EXOC2: variants seen among roughly 807,000 people sequenced by gnomAD.
The protein encoded by EXOC2 is exocyst complex component 2.
In EXOC2, 70 loss-of-function variants were observed where a neutral mutation model predicts 131.8. The observed-to-expected ratio is 0.53, with a 90% confidence interval of 0.44 to 0.65. EXOC2 has a LOEUF of 0.65. Among genes scored for constraint, EXOC2 ranks in the 30% least tolerant of loss-of-function variants. The probability of loss-of-function intolerance (pLI) is 0.00; values close to 1 mark genes in which losing one functional copy is unlikely to be tolerated. For missense variants in EXOC2, 923 were observed against 1,108.6 expected, an observed-to-expected ratio of 0.83 and a Z score of 2.38; for synonymous variants, 411 against 398.4, an observed-to-expected ratio of 1.03 and a Z score of -0.38.
chr6:681,235 T>G (rs896652636), intron 1 of EXOC2, among the ~76,000 whole-genome samples: 1 of 152,220 alleles, frequency 6.6e-6, no homozygotes, highest in Non-Finnish European at 1.5e-5. Context: ...CAATTCATGC[T>G]AAGGAAAACA....
At chr6:672,294 ATC>A (rs1254269532) in intron 1 of EXOC2, among the ~76,000 whole-genome samples, 1 of 151,704 alleles carries the variant, frequency 6.6e-6, no homozygotes, top group Non-Finnish European at 1.5e-5. Context: ...TAAAGTTTCC[ATC>A]TCTCTGTGCA....
At chr6:645,706 A>G (rs1300354391) in intron 1 of EXOC2, among the ~76,000 whole-genome samples, 1 of 152,214 alleles carries the variant, frequency 6.6e-6, no homozygotes, top group Non-Finnish European at 1.5e-5. Context: ...GTGTGTGTGC[A>G]AGTGTGTATT....
chr6:521,093 T>TCAC (rs1765433359), intron 23 of EXOC2, among the ~76,000 whole-genome samples: 1 of 80,718 alleles, frequency 1.2e-5, no homozygotes, highest in African/African-American at 6.1e-5. Flanking sequence ...GCGCCGACAC[T>TCAC]CGCCGTCCAC....
Position 596,068 on chromosome 6 carries a change from C to T in EXOC2, c.1073+1953G>A, listed in dbSNP as rs895120255. Among the ~76,000 whole-genome samples the T allele has an allele frequency of 1.3e-4, 20 of 152,030 alleles. 1 individual carries two copies. Among genetic ancestry groups the T allele is most frequent in the African/African-American group, 3.1e-4 (13 of 41,296 alleles). Reference sequence around the variant, plus strand: ...GTGTTTTCACCTGTACAATGGGCACCGCACAAGCGTCCTTTCATGGTGGTG... The same window carrying T: ...GTGTTTTCACCTGTACAATGGGCACTGCACAAGCGTCCTTTCATGGTGGTG... On this transcript the variant is annotated intron_variant, in intron 10 of 27. Transcript: ENST00000230449.
intron 22 of EXOC2, among the ~76,000 whole-genome samples, chr6:536,289 T>A (rs1464004247): frequency 6.6e-6 from 1 of 152,190 alleles, no homozygotes; most frequent in East Asian, 1.9e-4. Flanking sequence ...AGTAAATTTA[T>A]GGAGGCAGCA....
At chr6:621,391 G>A (rs1379735205) in intron 4 of EXOC2, among the ~76,000 whole-genome samples, 1 of 152,156 alleles carries the variant, frequency 6.6e-6, no homozygotes, top group Non-Finnish European at 1.5e-5. Flanking sequence ...GTGGTCCCTA[G>A]AAGAACAGGG....
chr6:529,491 A>G (rs1351177513), intron 23 of EXOC2, among the ~76,000 whole-genome samples: 1 of 152,192 alleles, frequency 6.6e-6, no homozygotes, highest in Non-Finnish European at 1.5e-5. Flanking sequence ...GAGAAGAATC[A>G]CTTTGTTGAG....
intron 6 of EXOC2, among the ~76,000 whole-genome samples, chr6:612,787 A>C (rs918362950): frequency 2.7e-5 from 4 of 150,646 alleles, no homozygotes; most frequent in Non-Finnish European, 5.9e-5. Flanking sequence ...AGGGAGGAAC[A>C]TGCGTAATTT....
At chr6:607,372 T>C (rs958929347) in intron 7 of EXOC2, among the ~76,000 whole-genome samples, 2 of 152,188 alleles carry the variant, frequency 1.3e-5, no homozygotes, top group Admixed American at 6.5e-5. Flanking sequence ...TTTTCATCAA[T>C]AAAGCGAAGA....
At chr6:493,378 A>C (rs1387439186) in intron 25 of EXOC2, among the ~76,000 whole-genome samples, 4 of 152,222 alleles carry the variant, frequency 2.6e-5, no homozygotes, top group African/African-American at 9.6e-5. Flanking sequence ...GTAAAAACAG[A>C]CCTACCAGGA....
At chr6:602,821 G>A (rs1366043262) in intron 7 of EXOC2, among the ~76,000 whole-genome samples, 2 of 152,140 alleles carry the variant, frequency 1.3e-5, no homozygotes, top group African/African-American at 4.8e-5. Context: ...CTGTGGAGCA[G>A]TAAAATTTCC....
intron 2 of EXOC2, among the ~76,000 whole-genome samples, chr6:636,641 C>A (rs1220975998): frequency 6.6e-6 from 1 of 152,188 alleles, no homozygotes; most frequent in Non-Finnish European, 1.5e-5. Flanking sequence ...GATTTCAGAA[C>A]CTTAGTAACA....
At chr6:665,665 G>A (rs1248120770) in intron 1 of EXOC2, among the ~76,000 whole-genome samples, 1 of 152,062 alleles carries the variant, frequency 6.6e-6, no homozygotes, top group Admixed American at 6.6e-5. Flanking sequence ...TATTCTAAGA[G>A]AAGTAAATCA....
intron 23 of EXOC2, among the ~76,000 whole-genome samples, chr6:531,407 A>AAAAGTGTGTGCACATT (rs1157867563): frequency 6.6e-6 from 1 of 152,174 alleles, no homozygotes; most frequent in Non-Finnish European, 1.5e-5. Flanking sequence ...GTGTGCACAG[A>AAAAGTGTGTGCACATT]AAAGTGTGTG....
intron 23 of EXOC2, among the ~76,000 whole-genome samples, chr6:520,812 AT>A (rs1183809699): frequency 2.1e-5 from 3 of 139,950 alleles, no homozygotes; most frequent in East Asian, 2.3e-4. Context: ...ACACTCGGAG[AT>A]GAAAACCACC....
At chr6:671,336 AAACAAC>A (rs1243152686) in intron 1 of EXOC2, among the ~76,000 whole-genome samples, 2 of 128,330 alleles carry the variant, frequency 1.6e-5, no homozygotes, top group African/African-American at 5.4e-5. Flanking sequence ...GACTGTCTCA[AAACAAC>A]AACAACAACA....
intron 23 of EXOC2, among the ~76,000 whole-genome samples, chr6:516,794 G>A (rs1765187942): frequency 2.0e-5 from 3 of 152,188 alleles, no homozygotes. Context: ...AACAAAACCA[G>A]GTCAAGTGAC....
At chr6:525,687 AAAC>A in intron 23 of EXOC2, 1 of 152,324 alleles carries the variant, frequency 6.6e-6, no homozygotes, top group South Asian at 2.1e-4. Context: ...ATATTTTTAA[AAAC>A]AAAATTTTAA....
Position 564,880 on chromosome 6 carries a change from CTTT to C in EXOC2, c.1490_1492del (p.Gln497del). 1 of 1,612,914 alleles carries C rather than the reference CTTT, an allele frequency of 6.2e-7. No homozygotes were observed. Among genetic ancestry groups the C allele is most frequent in the Non-Finnish European group, 8.5e-7 (1 of 1,179,634 alleles). The stretch of plus-strand genomic sequence containing the variant: ...CTTACTCACCTTAAAATCATTTTGT[CTTT>C]GCCTTACATTCTTTGATCTTTCAAT... On this transcript the variant is annotated inframe_deletion, in exon 14 of 28. Coordinates refer to ENST00000230449, the MANE Select transcript of EXOC2 (RefSeq NM_018303.6).
Sources: allele counts gnomAD v4.1 joint callset (sites outside exome capture counted in the v4.1 genomes callset), GRCh38; gene constraint gnomAD v4.1.1; transcripts MANE v1.5; gene names NCBI Gene and HGNC (gene_info 2026-07-23, HGNC 2026-07-21).